The following C8orf34 variants were observed in gnomAD, a reference collection of about 807,000 sequenced individuals.
C8orf34 encodes chromosome 8 open reading frame 34.
In C8orf34, 65 loss-of-function variants were observed where a neutral mutation model predicts 68.3. The ratio of observed to expected loss-of-function variants is 0.95; its 90% CI spans 0.78 to 1.17. The LOEUF (loss-of-function observed/expected upper bound fraction) is 1.17. Ranked by LOEUF, C8orf34 falls within the 50% of genes most tolerant of loss-of-function variation. The pLI is 0.00. For missense variants in C8orf34, 664 were observed against 655.4 expected, an observed-to-expected ratio of 1.01 and a Z score of -0.14; for synonymous variants, 244 against 241.2, an observed-to-expected ratio of 1.01 and a Z score of -0.11.
intron 7 of C8orf34, chr8:68,535,128 T>C (rs767311179): frequency 4.6e-5 from 45 of 984,906 alleles, no homozygotes; most frequent in Non-Finnish European, 5.2e-5. Context: ...CCATATTCAA[T>C]TTCTTGTTTT....
At chr8:68,459,524 C>A (rs953388474) in intron 3 of C8orf34, among the ~76,000 whole-genome samples, 4 of 152,066 alleles carry the variant, frequency 2.6e-5, no homozygotes, top group Non-Finnish European at 5.9e-5. Flanking sequence ...AGCCACCGTG[C>A]CCGGCTGAAA....
chr8:68,403,326 C>T (rs1042770714), intron 1 of C8orf34, among the ~76,000 whole-genome samples: 4 of 152,130 alleles, frequency 2.6e-5, no homozygotes, highest in African/African-American at 7.2e-5. Flanking sequence ...TCTCCCATCT[C>T]TTGGAAACCT....
At chr8:68,649,300 A>T (rs1347323949) in intron 8 of C8orf34, among the ~76,000 whole-genome samples, 1 of 152,212 alleles carries the variant, frequency 6.6e-6, no homozygotes, top group Admixed American at 6.5e-5. Context: ...TCTGTGTCAG[A>T]TACTGTGATA....
At chr8:68,450,452 G>A (rs772534802) in intron 3 of C8orf34, among the ~76,000 whole-genome samples, 8 of 152,076 alleles carry the variant, frequency 5.3e-5, no homozygotes, top group South Asian at 4.1e-4. Flanking sequence ...CCCCAGATCC[G>A]TCAGAGGAAT....
rs1824889630 is a variant in C8orf34, at chr8:68,818,622, A to C, written c.*376A>C. 1 of 171,184 alleles carries C rather than the reference A, an allele frequency of 5.8e-6. No individual in the cohort carries two copies. The highest frequency in any genetic ancestry group is 1.2e-5 in the Non-Finnish European group (1 of 80,784). The allele number at this position is 171,184 out of a possible 1,614,324, so 10.6% of individuals were successfully genotyped here. A position where few individuals can be genotyped will look rare whatever the true frequency, so the allele number is the denominator to read the frequency against. On this transcript the variant is annotated 3_prime_UTR_variant, in exon 14 of 14. Coordinates refer to ENST00000518698, the MANE Select transcript of C8orf34 (RefSeq NM_052958.4). ...AGGGTTTTCTACTTCTTCTATTTTT[A>C]TAATATTTTCTCATTTTTTAGATTA...
At chr8:68,677,929 A>G (rs1820243488) in intron 8 of C8orf34, among the ~76,000 whole-genome samples, 1 of 152,200 alleles carries the variant, frequency 6.6e-6, no homozygotes, top group Non-Finnish European at 1.5e-5. Context: ...AGAAATTCAA[A>G]GGATTATTAG....
chr8:68,726,816 G>A (rs1356400055), intron 10 of C8orf34, among the ~76,000 whole-genome samples: 1 of 150,178 alleles, frequency 6.7e-6, no homozygotes, highest in Non-Finnish European at 1.5e-5. Context: ...CACGAGAATA[G>A]CACAGTAAAG....
chr8:68,411,664 T>G (rs754963633), intron 1 of C8orf34, among the ~76,000 whole-genome samples: 5 of 152,196 alleles, frequency 3.3e-5, no homozygotes, highest in African/African-American at 4.8e-5. Flanking sequence ...AGCATATAGC[T>G]TCTGCAAATA....
At chr8:68,746,578 A>G (rs1333893941) in intron 10 of C8orf34, among the ~76,000 whole-genome samples, 2 of 144,552 alleles carry the variant, frequency 1.4e-5, no homozygotes, top group Admixed American at 1.4e-4. Flanking sequence ...CAGAAATACA[A>G]ACTACTATCA....
At position 68,666,126 on chromosome 8, in the gene C8orf34, G is replaced by A. The variant is rs145688432; in HGVS notation, c.1241+25615G>A. On this transcript the variant is annotated intron_variant, in intron 8 of 13. Transcript: ENST00000518698. ...TAATCCTGACAGCATCAGAGAGGTT[G>A]GGTACTCAGTGCCACACAAGCTGTA... 5.4e-3 allele frequency among the ~76,000 whole-genome samples: 818 copies of A among 152,252 alleles called. 7 individuals are homozygous for A. The highest frequency in any genetic ancestry group is 0.019 in the African/African-American group (795 of 41,532).
intron 1 of C8orf34, among the ~76,000 whole-genome samples, chr8:68,396,747 G>C (rs1056715065): frequency 1.5e-5 from 2 of 131,664 alleles, no homozygotes; most frequent in Non-Finnish European, 3.2e-5. Context: ...AAAAAGCCTG[G>C]TGCCTCCTCT....
At chr8:68,606,484 T>A (rs1817857682) in intron 7 of C8orf34, among the ~76,000 whole-genome samples, 1 of 152,158 alleles carries the variant, frequency 6.6e-6, no homozygotes, top group Non-Finnish European at 1.5e-5. Flanking sequence ...GATATTATAA[T>A]CTACTAATTG....
intron 1 of C8orf34, among the ~76,000 whole-genome samples, chr8:68,356,208 T>A (rs1469629100): frequency 6.6e-6 from 1 of 152,178 alleles, no homozygotes; most frequent in Non-Finnish European, 1.5e-5. Context: ...CATTTGTCAC[T>A]ACAAGTCTGA....
At position 68,446,320 on chromosome 8, in the gene C8orf34, T is replaced by C; in HGVS notation, c.476-9T>C. On this transcript the variant is annotated splice_polypyrimidine_tract_variant and intron_variant, in intron 2 of 13. Coordinates refer to ENST00000518698, the MANE Select transcript of C8orf34 (RefSeq NM_052958.4). ...TTGTTGCCATTTTATATATATTTTG[T>C]TTTAACAGAATCCAAAGGAACAAGA... The C allele has an allele frequency of 6.3e-7, 1 of 1,580,622 alleles. No individual in the cohort carries two copies. Among genetic ancestry groups the C allele is most frequent in the Non-Finnish European group, 8.6e-7 (1 of 1,169,476 alleles).
intron 8 of C8orf34, among the ~76,000 whole-genome samples, chr8:68,674,641 A>G (rs1820123445): frequency 6.6e-6 from 1 of 152,138 alleles, no homozygotes; most frequent in African/African-American, 2.4e-5. Flanking sequence ...AAGTATGCCT[A>G]CAAGATCTAG....
At chr8:68,351,268 A>G (rs1332211010) in intron 1 of C8orf34, among the ~76,000 whole-genome samples, 1 of 152,044 alleles carries the variant, frequency 6.6e-6, no homozygotes, top group Non-Finnish European at 1.5e-5. Flanking sequence ...TTTTTCTTTA[A>G]GAATGTTGAA....
At chr8:68,684,226 A>C (rs1820448578) in intron 8 of C8orf34, among the ~76,000 whole-genome samples, 1 of 152,100 alleles carries the variant, frequency 6.6e-6, no homozygotes, top group African/African-American at 2.4e-5. Context: ...GAGAGCCAGC[A>C]TGCATCACTG....
chr8:68,527,730 G>A (rs1403637592), intron 6 of C8orf34, among the ~76,000 whole-genome samples: 1 of 152,164 alleles, frequency 6.6e-6, no homozygotes, highest in African/African-American at 2.4e-5. Context: ...TCAGAAAGCT[G>A]TTCTAAGAAT....
Position 68,517,622 on chromosome 8 carries a change from C to G in C8orf34, c.766-4177C>G, listed in dbSNP as rs528768686. Among the ~76,000 whole-genome samples the G allele has an allele frequency of 3.9e-5, 6 of 152,322 alleles. No individual in the cohort carries two copies. The East Asian group carries it at 1.2e-3, about 29-fold the overall frequency. ...GCTCTACTTTTCAATAGCAATACAT[C>G]TACCATTGCATTTGATTTCCTAGTA... On this transcript the variant is annotated intron_variant, in intron 5 of 13. Coordinates refer to ENST00000518698, the MANE Select transcript of C8orf34 (RefSeq NM_052958.4).
Sources: gnomAD v4.1 joint callset for allele counts (sites outside exome capture counted in the v4.1 genomes callset) on GRCh38, gnomAD v4.1.1 for gene constraint, MANE v1.5 for transcripts, NCBI Gene and HGNC (gene_info 2026-07-23, HGNC 2026-07-21) for gene names.